The following IQCK variants were observed in gnomAD, a reference collection of about 807,000 sequenced individuals.
The protein encoded by IQCK is IQ motif containing K, also known as IQ domain-containing protein K.
Under a neutral mutation model 28.1 loss-of-function variants are expected in IQCK, and 29 were observed. The observed-to-expected ratio is 1.03, with a 90% CI of 0.77 to 1.41. The LOEUF (loss-of-function observed/expected upper bound fraction) is 1.41, where lower values mean the gene tolerates loss of function less well. Ranked by LOEUF, IQCK falls within the 40% of genes most tolerant of loss-of-function variation. The pLI is 0.00. For missense variants in IQCK, 359 were observed against 314.7 expected, an observed-to-expected ratio of 1.14 and a Z score of -1.07; for synonymous variants, 113 against 115.1, an observed-to-expected ratio of 0.98 and a Z score of 0.12.
intron 4 of IQCK, among the ~76,000 whole-genome samples, chr16:19,754,625 T>G (rs2055028280): frequency 7.4e-6 from 1 of 134,342 alleles, no homozygotes; most frequent in African/African-American, 3.8e-5. Context: ...ATTACAGAAT[T>G]TTTTTCTCTT....
intron 9 of IQCK, among the ~76,000 whole-genome samples, chr16:19,835,489 G>A (rs1351913815): frequency 6.6e-6 from 1 of 151,906 alleles, no homozygotes; most frequent in Non-Finnish European, 1.5e-5. Flanking sequence ...CAATTCCTAT[G>A]AATGGATAGT....
chr16:19,738,402 A>G lies in IQCK; in HGVS notation c.474+2952A>G, dbSNP rs555432881. Among the ~76,000 whole-genome samples, 10 of 152,248 alleles carry G rather than the reference A, an allele frequency of 6.6e-5. No homozygotes were observed. The South Asian group carries it at 1.9e-3, about 28-fold the overall frequency. ...GAGAACAGTGAGGGGCAAATGACAC[A>G]GTCTGACCCCCCCCACCTCATATAT... On this transcript the variant is annotated intron_variant, in intron 4 of 7. Transcript: ENST00000564186.
intron 1 of IQCK, among the ~76,000 whole-genome samples, chr16:19,727,980 A>G (rs538767893): frequency 2.6e-5 from 4 of 152,232 alleles, no homozygotes; most frequent in African/African-American, 9.6e-5. Context: ...TGTGGCTGTC[A>G]GAAGATTTTC....
At chr16:19,802,536 A>C (rs1295105850) in intron 7 of IQCK, among the ~76,000 whole-genome samples, 1 of 120,568 alleles carries the variant, frequency 8.3e-6, no homozygotes, top group Admixed American at 9.2e-5. Flanking sequence ...GGACATAGTA[A>C]ATCCACAAGA....
intron 3 of IQCK, 40 bp downstream of exon 3, chr16:19,733,867 T>C: frequency 1.2e-6 from 2 of 1,611,812 alleles, no homozygotes; most frequent in Non-Finnish European, 8.5e-7. Context: ...TTTGGGGCTT[T>C]TAACATTGCA....
At chr16:19,722,931 C>T (rs892770703) in intron 1 of IQCK, among the ~76,000 whole-genome samples, 11 of 152,048 alleles carry the variant, frequency 7.2e-5, no homozygotes, top group African/African-American at 1.4e-4. Context: ...AGGCTGGTGT[C>T]GAACTCCTGA....
chr16:19,839,863 T>C (rs1257589441), intron 9 of IQCK, among the ~76,000 whole-genome samples: 1 of 151,934 alleles, frequency 6.6e-6, no homozygotes, highest in African/African-American at 2.4e-5. Context: ...GGTAGCGTGG[T>C]GCATGCCTGT....
At chr16:19,821,651 G>A (rs1006921976) in intron 7 of IQCK, among the ~76,000 whole-genome samples, 2 of 152,246 alleles carry the variant, frequency 1.3e-5, no homozygotes, top group East Asian at 1.9e-4. Context: ...GCGAGATCAC[G>A]CCACTGCACT....
chr16:19,719,242 C>T (rs909884914), intron 1 of IQCK, among the ~76,000 whole-genome samples: 1 of 152,050 alleles, frequency 6.6e-6, no homozygotes, highest in African/African-American at 2.4e-5. Flanking sequence ...ACACAAACTG[C>T]TCGATTTACA....
downstream of IQCK, among the ~76,000 whole-genome samples, chr16:19,830,664 G>T (rs2056220255): frequency 6.6e-6 from 1 of 152,204 alleles, no homozygotes; most frequent in African/African-American, 2.4e-5. Flanking sequence ...CAGCAGAAAG[G>T]ACAGGTAAAG....
At chr16:19,736,126 C>T (rs1978006672) in intron 4 of IQCK, 5 of 455,888 alleles carry the variant, frequency 1.1e-5, no homozygotes, top group South Asian at 7.7e-5. Context: ...ATTGTTCCCC[C>T]TGGCATCTCT....
At chr16:19,721,742 T>C (rs1391714779) in intron 1 of IQCK, among the ~76,000 whole-genome samples, 2 of 152,046 alleles carry the variant, frequency 1.3e-5, no homozygotes, top group Non-Finnish European at 2.9e-5. Context: ...CCCACCACCA[T>C]GCCTGGCTAA....
chr16:19,747,692 T>C (rs1477671936), intron 4 of IQCK, among the ~76,000 whole-genome samples: 2 of 152,182 alleles, frequency 1.3e-5, no homozygotes, highest in East Asian at 3.8e-4. Flanking sequence ...TCTATCCATC[T>C]GTGTATAGAC....
chr16:19,749,489 G>A (rs1251179368), intron 4 of IQCK, among the ~76,000 whole-genome samples: 1 of 152,166 alleles, frequency 6.6e-6, no homozygotes, highest in Non-Finnish European at 1.5e-5. Flanking sequence ...ACTGGGCATG[G>A]TGGCTCACAT....
chr16:19,807,422 A>T (rs536142275), intron 7 of IQCK, among the ~76,000 whole-genome samples: 4 of 152,226 alleles, frequency 2.6e-5, no homozygotes, highest in Non-Finnish European at 5.9e-5. Flanking sequence ...TGCAGAGAGA[A>T]CAGATTGTAA....
intron 1 of IQCK, among the ~76,000 whole-genome samples, chr16:19,727,567 A>G (rs1977696448): frequency 6.8e-6 from 1 of 147,220 alleles, no homozygotes; most frequent in Admixed American, 6.7e-5. Context: ...AGCCTGGGCG[A>G]CAGAGCGAGA....
chr16:19,724,516 G>A (rs1026549709), intron 1 of IQCK, among the ~76,000 whole-genome samples: 4 of 151,834 alleles, frequency 2.6e-5, no homozygotes, highest in Non-Finnish European at 5.9e-5. Context: ...CTACATTTTT[G>A]TTGTTGGGTT....
chr16:19,852,883 A>G (rs2056503370), intron 9 of IQCK, among the ~76,000 whole-genome samples: 3 of 151,948 alleles, frequency 2.0e-5, no homozygotes, highest in African/African-American at 4.8e-5. Flanking sequence ...CAGCCTCCCA[A>G]TGTGCTGGGA....
chr16:19,833,425 T>TA (rs2056257547), intron 9 of IQCK, among the ~76,000 whole-genome samples: 1 of 152,126 alleles, frequency 6.6e-6, no homozygotes, highest in African/African-American at 2.4e-5. Flanking sequence ...TGAATAGAAA[T>TA]ATGGCTCTGA....
Sources: gnomAD v4.1 joint callset for allele counts (sites outside exome capture counted in the v4.1 genomes callset) on GRCh38, gnomAD v4.1.1 for gene constraint, MANE v1.5 for transcripts, NCBI Gene and HGNC (gene_info 2026-07-23, HGNC 2026-07-21) for gene names.